The following NTRK3 variants were observed in gnomAD, a reference collection of about 807,000 sequenced individuals.
The protein encoded by NTRK3 is neurotrophic receptor tyrosine kinase 3.
NTRK3 carries 24 observed loss-of-function variants against 91.7 expected under a neutral mutation model. That is an observed-to-expected ratio of 0.26 (90% CI 0.19 to 0.37). NTRK3 has a LOEUF of 0.37. Among genes scored for constraint, NTRK3 ranks in the 10% least tolerant of loss-of-function variants. NTRK3 has a pLI of 1.00. For missense variants in NTRK3, 880 were observed against 1,068.9 expected (o/e 0.82, Z 2.46); for synonymous variants, 483 against 404.0 (o/e 1.20, Z -2.34).
intron 3 of NTRK3, among the ~76,000 whole-genome samples, chr15:88,190,710 T>A (rs1201478338): frequency 1.3e-5 from 2 of 152,100 alleles, no homozygotes; most frequent in African/African-American, 4.8e-5. Context: ...GACCTGGAGA[T>A]GACACGCTAG....
intron 14 of NTRK3, among the ~76,000 whole-genome samples, chr15:88,022,744 C>T (rs570425943): frequency 6.6e-6 from 1 of 152,164 alleles, no homozygotes; most frequent in East Asian, 1.9e-4. Flanking sequence ...TCATTCTTCC[C>T]CTCCTCGACC....
chr15:87,961,528 T>A (rs1052273283), intron 14 of NTRK3, among the ~76,000 whole-genome samples: 4 of 152,260 alleles, frequency 2.6e-5, no homozygotes, highest in Non-Finnish European at 5.9e-5. Flanking sequence ...CACTGTAGTA[T>A]TAGCAGGTTT....
intron 14 of NTRK3, among the ~76,000 whole-genome samples, chr15:88,003,698 T>C (rs1053773301): frequency 2.0e-5 from 3 of 152,108 alleles, no homozygotes; most frequent in East Asian, 1.9e-4. Flanking sequence ...AATCACTCAT[T>C]GCTAAGCCAA....
At chr15:88,103,935 C>T (rs775657741) in intron 13 of NTRK3, among the ~76,000 whole-genome samples, 6 of 152,346 alleles carry the variant, frequency 3.9e-5, no homozygotes, top group Admixed American at 6.5e-5. Context: ...GACAATTCTA[C>T]ACTAGAGACA....
At chr15:87,884,489 A>G (rs1194166215) in intron 17 of NTRK3, among the ~76,000 whole-genome samples, 1 of 151,784 alleles carries the variant, frequency 6.6e-6, no homozygotes, top group Non-Finnish European at 1.5e-5. Context: ...TGAAGACAAA[A>G]TCAGTCAAAT....
exon 19 of NTRK3, chr15:87,860,350 C>T (rs1006070110): frequency 9.2e-6 from 2 of 217,508 alleles, no homozygotes. Context: ...TTTTTGTTTT[C>T]TTTTGAGGTT....
chr15:87,979,467 T>TA, intron 14 of NTRK3: 1 of 1,578,446 alleles, frequency 6.3e-7, no homozygotes, highest in Non-Finnish European at 8.6e-7. Flanking sequence ...CTGAAACCTA[T>TA]AAAAAACAAA....
Position 87,976,674 on chromosome 15 carries a change from C to T in NTRK3, c.1586-35921G>A, listed in dbSNP as rs114663781. 2.4e-3 allele frequency among the ~76,000 whole-genome samples: 370 copies of T among 152,334 alleles called. 3 individuals carry two copies. Among genetic ancestry groups the T allele is most frequent in the African/African-American group, 8.4e-3 (351 of 41,570 alleles). ...GCACAGATGTGCCAGTTCATCTAAGCATTTTACTCTTTGGCCTCTCCCTCC... is the reference window on the plus strand; with the variant it reads ...GCACAGATGTGCCAGTTCATCTAAGTATTTTACTCTTTGGCCTCTCCCTCC... On this transcript the variant is annotated intron_variant, in intron 14 of 18. Transcript: ENST00000394480.
chr15:88,064,535 G>A (rs973467915), intron 13 of NTRK3, among the ~76,000 whole-genome samples: 1 of 152,022 alleles, frequency 6.6e-6, no homozygotes, highest in Non-Finnish European at 1.5e-5. Context: ...CCTTTTCACA[G>A]ATCATGACAC....
At chr15:87,979,487 A>G in intron 14 of NTRK3, 1 of 1,559,722 alleles carries the variant, frequency 6.4e-7, no homozygotes, top group African/African-American at 1.4e-5. Flanking sequence ...AAAGAAAAAA[A>G]AACAGAAAAA....
At chr15:87,920,480 A>G (rs528197942) in intron 17 of NTRK3, among the ~76,000 whole-genome samples, 2 of 152,320 alleles carry the variant, frequency 1.3e-5, no homozygotes, top group African/African-American at 2.4e-5. Context: ...CCAAAGCTGA[A>G]GAAGAGAACA....
intron 14 of NTRK3, among the ~76,000 whole-genome samples, chr15:88,014,409 C>G (rs2141814188): frequency 6.6e-6 from 1 of 152,194 alleles, no homozygotes; most frequent in South Asian, 2.1e-4. Context: ...GTTTCCTCAT[C>G]TACTAAACGA....
At chr15:87,920,347 G>A (rs371736934) in intron 17 of NTRK3, among the ~76,000 whole-genome samples, 1 of 152,310 alleles carries the variant, frequency 6.6e-6, no homozygotes, top group South Asian at 2.1e-4. Context: ...AAATTCACCT[G>A]AGATGTGCAT....
chr15:87,987,200 T>C (rs915429357), intron 14 of NTRK3, among the ~76,000 whole-genome samples: 1 of 152,248 alleles, frequency 6.6e-6, no homozygotes, highest in African/African-American at 2.4e-5. Context: ...TTTAGTGTAA[T>C]TGAATCCTTA....
exon 19 of NTRK3, chr15:87,870,915 C>T (rs2064813372): frequency 4.4e-6 from 1 of 229,160 alleles, no homozygotes; most frequent in African/African-American, 2.2e-5. Context: ...GAACAAAAAG[C>T]AATATTTGCC....
At chr15:87,905,177 C>T (rs1338243471) in intron 17 of NTRK3, among the ~76,000 whole-genome samples, 1 of 152,202 alleles carries the variant, frequency 6.6e-6, no homozygotes, top group African/African-American at 2.4e-5. Context: ...CTTCTCTCTA[C>T]CCCTATGACA....
At chr15:87,910,452 G>C (rs1262455777) in intron 17 of NTRK3, among the ~76,000 whole-genome samples, 2 of 152,198 alleles carry the variant, frequency 1.3e-5, no homozygotes, top group Non-Finnish European at 2.9e-5. Flanking sequence ...TGAGGTGCTA[G>C]CACTCAGAGA....
At chr15:88,225,569 G>C (rs947153329) in intron 3 of NTRK3, among the ~76,000 whole-genome samples, 2 of 152,214 alleles carry the variant, frequency 1.3e-5, no homozygotes, top group Admixed American at 6.5e-5. Flanking sequence ...ATGGGGGACA[G>C]GGCAGGGCTG....
At chr15:88,155,714 C>T (rs1234150995) in intron 5 of NTRK3, among the ~76,000 whole-genome samples, 1 of 152,186 alleles carries the variant, frequency 6.6e-6, no homozygotes, top group Non-Finnish European at 1.5e-5. Context: ...CTGTTAGTCA[C>T]ATGTTAAAGA....
Sources: gnomAD v4.1 joint callset for allele counts (sites outside exome capture counted in the v4.1 genomes callset) on GRCh38, gnomAD v4.1.1 for gene constraint, MANE v1.5 for transcripts, NCBI Gene and HGNC (gene_info 2026-07-23, HGNC 2026-07-21) for gene names.